The following GPHN variants were observed in gnomAD, a reference collection of about 807,000 sequenced individuals.
GPHN encodes gephyrin.
Under a neutral mutation model 95.5 loss-of-function variants are expected in GPHN, and 17 were observed. The observed-to-expected ratio is 0.18, with a 90% CI of 0.12 to 0.27. GPHN has a LOEUF of 0.27. Among genes scored for constraint, GPHN ranks in the 10% least tolerant of loss-of-function variants. The pLI is 1.00. For synonymous variants in GPHN, 320 were observed against 322.5 expected, an observed-to-expected ratio of 0.99 and a Z score of 0.08; for missense variants, 660 against 978.1, an observed-to-expected ratio of 0.67 and a Z score of 4.34.
intron 4 of GPHN, among the ~76,000 whole-genome samples, chr14:66,865,396 A>G (rs1014575416): frequency 6.6e-6 from 1 of 152,112 alleles, no homozygotes; most frequent in African/African-American, 2.4e-5. Context: ...CAGGAAAATT[A>G]AAAATTTTTC....
chr14:67,695,724 C>T, the GPHN span: 2 of 1,611,968 alleles, frequency 1.2e-6, no homozygotes, highest in Non-Finnish European at 1.7e-6. Flanking sequence ...TGCAGCGGCA[C>T]CAGAGCGGGA....
the GPHN span, chr14:67,555,921 G>A: frequency 1.9e-6 from 3 of 1,608,650 alleles, no homozygotes; most frequent in East Asian, 4.5e-5. Flanking sequence ...GGAATATGCA[G>A]GGGAATGACC....
At chr14:66,907,568 A>G (rs1429240892) in intron 5 of GPHN, among the ~76,000 whole-genome samples, 5 of 148,538 alleles carry the variant, frequency 3.4e-5, no homozygotes, top group Non-Finnish European at 7.6e-5. Context: ...AATATATGCA[A>G]ATTGCATTTG....
At chr14:67,572,038 C>A in the GPHN span, 5 of 1,486,624 alleles carry the variant, frequency 3.4e-6, no homozygotes, top group South Asian at 5.2e-5. Context: ...GCCCCAGAGA[C>A]CGGGTCCCGG....
chr14:67,113,862 T>A (rs1287823832), intron 16 of GPHN, among the ~76,000 whole-genome samples: 1 of 152,182 alleles, frequency 6.6e-6, no homozygotes, highest in East Asian at 1.9e-4. Flanking sequence ...AAATGGAGAA[T>A]ACTAAAAAGT....
At chr14:66,583,110 T>C (rs543184452) in intron 1 of GPHN, among the ~76,000 whole-genome samples, 1 of 151,924 alleles carries the variant, frequency 6.6e-6, no homozygotes, top group East Asian at 1.9e-4. Flanking sequence ...CATTGTGGTT[T>C]TGATTTGCAT....
intron 13 of GPHN, among the ~76,000 whole-genome samples, chr14:67,108,613 G>A (rs2078177766): frequency 6.6e-6 from 1 of 151,944 alleles, no homozygotes; most frequent in South Asian, 2.1e-4. Context: ...ATAATATTAT[G>A]GAGAGAAGAT....
the GPHN span, among the ~76,000 whole-genome samples, chr14:67,431,804 G>A: frequency 6.6e-6 from 1 of 152,204 alleles, no homozygotes; most frequent in East Asian, 1.9e-4. Context: ...TGGGGGAAGG[G>A]AACAGAGGTT....
the GPHN span, among the ~76,000 whole-genome samples, chr14:67,347,901 T>A: frequency 2.8e-5 from 4 of 143,668 alleles, no homozygotes; most frequent in Non-Finnish European, 6.0e-5. Context: ...ATTAATGAAT[T>A]TAGGAACTTG....
At chr14:67,601,050 C>T in the GPHN span, among the ~76,000 whole-genome samples, 1 of 152,196 alleles carries the variant, frequency 6.6e-6, no homozygotes, top group South Asian at 2.1e-4. Context: ...TCTCTGCCCT[C>T]GGGCAGCTTC....
intron 1 of GPHN, among the ~76,000 whole-genome samples, chr14:66,596,876 G>A (rs1371085816): frequency 6.6e-6 from 1 of 152,174 alleles, no homozygotes; most frequent in South Asian, 2.1e-4. Context: ...TCCGTGGAGT[G>A]CACAGCCCCA....
At chr14:67,094,727 A>G (rs919594289) in intron 12 of GPHN, among the ~76,000 whole-genome samples, 2 of 152,332 alleles carry the variant, frequency 1.3e-5, no homozygotes, top group African/African-American at 4.8e-5. Context: ...ATTTGAGTCA[A>G]AAACAGACTC....
chr14:67,463,638 C>G, the GPHN span, among the ~76,000 whole-genome samples: 1 of 54,828 alleles, frequency 1.8e-5, no homozygotes, highest in Admixed American at 2.2e-4. Flanking sequence ...GACTCCGTCT[C>G]AAAAAAAAAA....
the GPHN span, among the ~76,000 whole-genome samples, chr14:67,708,806 T>C: frequency 2.0e-5 from 3 of 151,488 alleles, no homozygotes; most frequent in Non-Finnish European, 4.4e-5. Context: ...TTTTTTTTTT[T>C]TTTTTGAGAG....
intron 2 of GPHN, among the ~76,000 whole-genome samples, chr14:66,720,085 T>G (rs1330790195): frequency 6.6e-6 from 1 of 152,228 alleles, no homozygotes; most frequent in Non-Finnish European, 1.5e-5. Context: ...AAATTATTGT[T>G]TATCTGCTCA....
At chr14:66,763,481 A>T (rs2058837947) in intron 2 of GPHN, among the ~76,000 whole-genome samples, 1 of 146,232 alleles carries the variant, frequency 6.8e-6, no homozygotes, top group Non-Finnish European at 1.5e-5. Flanking sequence ...ATGAGTGAGA[A>T]TAGGCGGTGT....
At chr14:67,256,432 C>A in the GPHN span, among the ~76,000 whole-genome samples, 3 of 151,998 alleles carry the variant, frequency 2.0e-5, no homozygotes, top group Admixed American at 6.6e-5. Flanking sequence ...GAAAAGAAAC[C>A]ATGAAATTAA....
chr14:66,638,499 G>A (rs1400788916), intron 1 of GPHN, among the ~76,000 whole-genome samples: 1 of 152,048 alleles, frequency 6.6e-6, no homozygotes, highest in African/African-American at 2.4e-5. Flanking sequence ...AGGAAAATGG[G>A]AGAATGATGA....
intron 5 of GPHN, among the ~76,000 whole-genome samples, chr14:66,899,122 C>CTTTTTTTTTTTTTTTT (rs149566081): frequency 6.1e-5 from 8 of 130,752 alleles, no homozygotes; most frequent in East Asian, 2.1e-4. Context: ...AGGGCTTTTT[C>CTTTTTTTTTTTTTTTT]TTTTTTTTTT....
Sources: gnomAD v4.1 joint callset for allele counts (sites outside exome capture counted in the v4.1 genomes callset) on GRCh38, gnomAD v4.1.1 for gene constraint, MANE v1.5 for transcripts, NCBI Gene and HGNC (gene_info 2026-07-23, HGNC 2026-07-21) for gene names.